Variants in LACTB2 observed in about 807,000 individuals in gnomAD.
LACTB2 encodes endoribonuclease LACTB2.
A neutral mutation model predicts 34.8 loss-of-function variants in LACTB2; 32 were observed. The ratio of observed to expected loss-of-function variants is 0.92; its 90% CI spans 0.69 to 1.24. The LOEUF (loss-of-function observed/expected upper bound fraction) is 1.24. Among genes scored for constraint, LACTB2 ranks in the 50% most tolerant of loss-of-function variants. The pLI is 0.00. For missense variants in LACTB2, 320 were observed against 345.0 expected (o/e 0.93, Z 0.57); for synonymous variants, 120 against 117.5 (o/e 1.02, Z -0.14).
At position 70,669,176 on chromosome 8, in the gene LACTB2, A is replaced by C; in HGVS notation, c.-56T>G. ...CTATCTGGATACTCCAGCGCGGAAG[A>C]AGCCAACAGGCCGGGGATAGCGAGT... On this transcript the variant is annotated 5_prime_UTR_variant, in exon 1 of 7. Coordinates refer to ENST00000276590, the MANE Select transcript of LACTB2 (RefSeq NM_016027.3). 3.1e-6 allele frequency: 5 copies of C among 1,593,298 alleles called. No homozygotes were observed. The African/African-American group carries it at 4.0e-5, about 13-fold the overall frequency.
At chr8:70,640,085 C>T (rs144635604) in intron 5 of LACTB2, among the ~76,000 whole-genome samples, 41 of 152,262 alleles carry the variant, frequency 2.7e-4, no homozygotes, top group Non-Finnish European at 2.1e-4. Flanking sequence ...CTCAACCACC[C>T]GAGCAGCTGG....
intron 3 of LACTB2, among the ~76,000 whole-genome samples, chr8:70,647,704 C>A (rs183901277): frequency 6.6e-6 from 1 of 152,288 alleles, no homozygotes; most frequent in East Asian, 1.9e-4. Context: ...GAGAACCAAT[C>A]AGATTTGCAC....
Position 70,669,038 on chromosome 8 carries a change from A to T in LACTB2, c.83T>A (p.Leu28His). 2 of 1,608,600 alleles carry T rather than the reference A, an allele frequency of 1.2e-6. No homozygotes were observed. Among genetic ancestry groups the T allele is most frequent in the Non-Finnish European group, 1.7e-6 (2 of 1,177,856 alleles). The change falls in exon 1 of 7, where the codon CTC becomes CAC. Residue 28 changes from leucine to histidine, a missense_variant. Coordinates refer to ENST00000276590, the MANE Select transcript of LACTB2 (RefSeq NM_016027.3). ...CACTAGGTAGGTGTTGGTGCCTTGGAGGGTCATGGGACCCGGGTTACAGCC... is the reference window on the plus strand; with the variant it reads ...CACTAGGTAGGTGTTGGTGCCTTGGTGGGTCATGGGACCCGGGTTACAGCC... ...VLGCNPGPMT[L>H]QGTNTYLVGT...
At chr8:70,639,796 C>T (rs533815547) in intron 5 of LACTB2, among the ~76,000 whole-genome samples, 26 of 152,044 alleles carry the variant, frequency 1.7e-4, no homozygotes, top group African/African-American at 6.0e-4. Context: ...AACACCATCT[C>T]TACTAAAAAT....
intron 3 of LACTB2, chr8:70,646,778 C>G (rs1173816197): frequency 1.3e-5 from 2 of 152,190 alleles, no homozygotes; most frequent in African/African-American, 2.4e-5. Flanking sequence ...ACCCCGACTT[C>G]TCAGCAATAT....
chr8:70,641,073 G>C, intron 4 of LACTB2, 23 bp from the exon 5 acceptor site: 1 of 1,558,704 alleles, frequency 6.4e-7, no homozygotes, highest in Non-Finnish European at 8.6e-7. Flanking sequence ...AATTATAAGA[G>C]TTACTTCAGT....
chr8:70,639,525 A>AAC (rs931288132), intron 5 of LACTB2, among the ~76,000 whole-genome samples: 2 of 152,238 alleles, frequency 1.3e-5, no homozygotes, highest in Admixed American at 1.3e-4. Flanking sequence ...ACATAGCAGA[A>AAC]ACACATTAAT....
chr8:70,663,971 G>A (rs538348753), intron 1 of LACTB2, among the ~76,000 whole-genome samples: 1 of 152,174 alleles, frequency 6.6e-6, no homozygotes, highest in South Asian at 2.1e-4. Context: ...ACTGCACTTA[G>A]CATTGTGCAT....
At chr8:70,665,860 A>C (rs1305327138) in intron 1 of LACTB2, among the ~76,000 whole-genome samples, 1 of 152,224 alleles carries the variant, frequency 6.6e-6, no homozygotes, top group Non-Finnish European at 1.5e-5. Flanking sequence ...TTGATAGGAA[A>C]GGTTAAAATT....
At chr8:70,647,329 T>G (rs1818276507) in intron 3 of LACTB2, among the ~76,000 whole-genome samples, 2 of 151,932 alleles carry the variant, frequency 1.3e-5, no homozygotes, top group Admixed American at 6.6e-5. Context: ...CTTGGCTCAC[T>G]GCAACCTCTG....
At position 70,667,590 on chromosome 8, in the gene LACTB2, CAGTT is replaced by C. The variant is rs200385237; in HGVS notation, c.122+1405_122+1408del. ...AGAGACTATAAATCTGCTTTTCCCT[CAGTT>C]AGTCTTTAAGTCTCTCTTAGCACTA... On this transcript the variant is annotated intron_variant, in intron 1 of 6. Coordinates refer to ENST00000276590, the MANE Select transcript of LACTB2 (RefSeq NM_016027.3). Among the ~76,000 whole-genome samples, 283 of 152,322 alleles carry C rather than the reference CAGTT, an allele frequency of 1.9e-3. 4 individuals carry two copies. The highest frequency in any genetic ancestry group is 0.015 in the Admixed American group (227 of 15,290).
chr8:70,639,780 T>C (rs931265417), intron 5 of LACTB2, among the ~76,000 whole-genome samples: 2 of 151,760 alleles, frequency 1.3e-5, no homozygotes, highest in Admixed American at 6.6e-5. Flanking sequence ...CTGACCAACA[T>C]TGAGAAACAC....
At chr8:70,668,730 T>A (rs1200594339) in intron 1 of LACTB2, among the ~76,000 whole-genome samples, 1 of 150,270 alleles carries the variant, frequency 6.7e-6, no homozygotes, top group Non-Finnish European at 1.5e-5. Context: ...GAACAGTAAA[T>A]CGGGTTTCAA....
chr8:70,660,902 C>T (rs762953027), intron 2 of LACTB2: 12 of 455,904 alleles, frequency 2.6e-5, no homozygotes, highest in East Asian at 1.4e-4. Flanking sequence ...CTTAGCCTCC[C>T]GAGTAGCTGG....
intron 2 of LACTB2, among the ~76,000 whole-genome samples, chr8:70,659,929 G>A (rs774823277): frequency 1.3e-5 from 2 of 152,084 alleles, no homozygotes; most frequent in African/African-American, 2.4e-5. Context: ...AGGTATTGAT[G>A]TTTGTTAAAA....
Position 70,661,888 on chromosome 8 carries a change from G to C in LACTB2, c.132C>G (p.Leu44=). 6.2e-7 allele frequency: 1 copy of C among 1,605,018 alleles called. No homozygotes were observed. Among genetic ancestry groups the C allele is most frequent in the Non-Finnish European group, 8.5e-7 (1 of 1,176,506 alleles). Reference sequence around the variant, plus strand: ...GAATTGCTGGTTCTCCAGTGTCAATGAGGATTCTCCTGAAAATTAAATGGA... The same window carrying C: ...GAATTGCTGGTTCTCCAGTGTCAATCAGGATTCTCCTGAAAATTAAATGGA... The part of the protein sequence containing the change: ...YLVGTGPRRI[L]IDTGEPAIPE... The change falls in exon 2 of 7, where the codon CTC becomes CTG. Residue 44 remains leucine, a synonymous_variant. Transcript: ENST00000276590.
intron 1 of LACTB2, among the ~76,000 whole-genome samples, chr8:70,663,682 G>T (rs1203102373): frequency 6.6e-6 from 1 of 152,162 alleles, no homozygotes; most frequent in East Asian, 1.9e-4. Flanking sequence ...GAGGATTGGT[G>T]TGCCATTAAT....
intron 1 of LACTB2, among the ~76,000 whole-genome samples, chr8:70,668,725 G>C (rs1013456544): frequency 6.8e-6 from 1 of 146,514 alleles, no homozygotes; most frequent in Non-Finnish European, 1.5e-5. Flanking sequence ...ATCAAGAACA[G>C]TAAATCGGGT....
intron 2 of LACTB2, among the ~76,000 whole-genome samples, chr8:70,659,331 A>G (rs1818454372): frequency 6.6e-6 from 1 of 152,192 alleles, no homozygotes; most frequent in Non-Finnish European, 1.5e-5. Context: ...AATGACTACA[A>G]TTTCCCAGCT....
Sources: allele counts gnomAD v4.1 joint callset (sites outside exome capture counted in the v4.1 genomes callset), GRCh38; gene constraint gnomAD v4.1.1; transcripts MANE v1.5; gene names NCBI Gene and HGNC (gene_info 2026-07-23, HGNC 2026-07-21).